Variants in DIAPH2 observed in about 807,000 individuals in gnomAD.
DIAPH2 encodes the protein diaphanous related formin 2.
DIAPH2 carries 35 observed loss-of-function variants against 92.7 expected under a neutral mutation model. The ratio of observed to expected loss-of-function variants is 0.38; its 90% CI spans 0.29 to 0.50. The LOEUF (loss-of-function observed/expected upper bound fraction) is 0.50. Among genes scored for constraint, DIAPH2 ranks in the 20% least tolerant of loss-of-function variants. The pLI is 0.94. For synonymous variants in DIAPH2, 301 were observed against 280.4 expected (o/e 1.07, Z -0.73); for missense variants, 701 against 819.5 (o/e 0.86, Z 1.77).
At chrX:97,277,379 C>T (rs1018649695) in intron 23 of DIAPH2, among the ~76,000 whole-genome samples, 5 of 111,413 alleles carry the variant, frequency 4.5e-5, no homozygotes, top group South Asian at 3.8e-4. Context: ...GACACTGCAA[C>T]GGGGTGCCTT....
intron 22 of DIAPH2, among the ~76,000 whole-genome samples, chrX:97,220,367 GAAA>G (rs763951265): frequency 3.9e-5 from 3 of 76,068 alleles, no homozygotes; most frequent in African/African-American, 1.5e-4. Context: ...ACAAGTTTTA[GAAA>G]AAAAAAAAAA....
chrX:97,171,237 T>C (rs1328093699), intron 22 of DIAPH2, among the ~76,000 whole-genome samples: 2 of 112,389 alleles, frequency 1.8e-5, no homozygotes, highest in African/African-American at 6.5e-5. Context: ...TTTTTAATGG[T>C]AGTGTAGCGT....
chrX:97,228,641 A>G (rs1239480285), intron 22 of DIAPH2, among the ~76,000 whole-genome samples: 1 of 111,703 alleles, frequency 9.0e-6, no homozygotes, highest in Non-Finnish European at 1.9e-5. Context: ...ATTTCTGAAA[A>G]GTAATAGAAC....
chrX:96,814,340 T>C (rs2064712818), intron 4 of DIAPH2, among the ~76,000 whole-genome samples: 1 of 111,894 alleles, frequency 8.9e-6, no homozygotes, highest in Non-Finnish European at 1.9e-5. Flanking sequence ...TGTGCACGCG[T>C]CACGTAGTTC....
At chrX:96,794,656 A>T (rs942899714) in intron 4 of DIAPH2, among the ~76,000 whole-genome samples, 6 of 112,054 alleles carry the variant, frequency 5.4e-5, no homozygotes, top group Non-Finnish European at 1.9e-5. Flanking sequence ...TGATATAACA[A>T]ATCTCATTTA....
At chrX:96,849,778 G>C (rs1458147839) in intron 4 of DIAPH2, among the ~76,000 whole-genome samples, 1 of 111,530 alleles carries the variant, frequency 9.0e-6, no homozygotes, top group Non-Finnish European at 1.9e-5. Context: ...AAAATATTGT[G>C]AAAACTATTT....
intron 23 of DIAPH2, among the ~76,000 whole-genome samples, chrX:97,342,640 G>C (rs1206765205): frequency 2.7e-5 from 3 of 112,010 alleles, no homozygotes; most frequent in Non-Finnish European, 5.6e-5. Flanking sequence ...TCTAGGTGTT[G>C]ATGAGTCAGT....
intron 17 of DIAPH2, among the ~76,000 whole-genome samples, chrX:96,984,606 G>A (rs933899263): frequency 2.7e-5 from 3 of 111,340 alleles, no homozygotes; most frequent in African/African-American, 9.8e-5. Flanking sequence ...AGGGTCCAAT[G>A]TCTCAGGATT....
chrX:97,346,495 T>C (rs1337204682), intron 23 of DIAPH2, among the ~76,000 whole-genome samples: 1 of 110,325 alleles, frequency 9.1e-6, no homozygotes, highest in Non-Finnish European at 1.9e-5. Context: ...GTTTCTCTTC[T>C]CACCCATTGC....
intron 17 of DIAPH2, among the ~76,000 whole-genome samples, chrX:96,980,664 T>C (rs1353250731): frequency 9.0e-6 from 1 of 110,716 alleles, no homozygotes; most frequent in Non-Finnish European, 1.9e-5. Flanking sequence ...TCACCATCTT[T>C]AGTAATTCAT....
At chrX:96,842,003 GA>G (rs894530942) in intron 4 of DIAPH2, among the ~76,000 whole-genome samples, 2 of 111,205 alleles carry the variant, frequency 1.8e-5, no homozygotes, top group African/African-American at 6.5e-5. Context: ...CCAGGAGAAG[GA>G]ATTTCACAAG....
chrX:97,048,341 A>T (rs1346014782), intron 17 of DIAPH2, among the ~76,000 whole-genome samples: 3 of 111,166 alleles, frequency 2.7e-5, no homozygotes. Flanking sequence ...TTTGAGAAAT[A>T]TAAATCTCCT....
chrX:96,899,499 G>A (rs1391301235), intron 5 of DIAPH2, among the ~76,000 whole-genome samples: 1 of 110,977 alleles, frequency 9.0e-6, no homozygotes, highest in Non-Finnish European at 1.9e-5. Context: ...ATTGTGAATG[G>A]GAGTTCACTC....
chrX:97,027,850 G>A, intron 17 of DIAPH2, among the ~76,000 whole-genome samples: 1 of 112,222 alleles, frequency 8.9e-6, no homozygotes, highest in Middle Eastern at 4.2e-3. Flanking sequence ...TGAGGCGCTT[G>A]TAAACATTGA....
chrX:97,165,012 A>C (rs1049613463), intron 22 of DIAPH2, among the ~76,000 whole-genome samples: 9 of 112,601 alleles, frequency 8.0e-5, no homozygotes, highest in African/African-American at 2.9e-4. Context: ...CTCTTTCAAC[A>C]ACTATGGATT....
At chrX:96,887,532 A>G (rs1824919384) in intron 5 of DIAPH2, among the ~76,000 whole-genome samples, 2 of 111,570 alleles carry the variant, frequency 1.8e-5, no homozygotes, top group South Asian at 7.7e-4. Context: ...AAATGTATGT[A>G]TTTATATTGA....
At chrX:97,032,539 A>AAT (rs934688856) in intron 17 of DIAPH2, among the ~76,000 whole-genome samples, 2 of 110,131 alleles carry the variant, frequency 1.8e-5, no homozygotes, top group African/African-American at 6.6e-5. Context: ...TATTAATAAT[A>AAT]ATAGCCATTA....
chrX:96,914,782 G>C (rs956316068), intron 7 of DIAPH2, among the ~76,000 whole-genome samples: 1 of 110,961 alleles, frequency 9.0e-6, no homozygotes, highest in Non-Finnish European at 1.9e-5. Context: ...GATGTTTTTA[G>C]TTAGGCCACG....
chrX:97,567,051 C>T (rs1013676488), intron 26 of DIAPH2, among the ~76,000 whole-genome samples: 2 of 111,639 alleles, frequency 1.8e-5, no homozygotes, highest in African/African-American at 6.5e-5. Context: ...CTCCCCATCA[C>T]ACCCCTAAAA....
Sources: gnomAD v4.1 joint callset for allele counts (sites outside exome capture counted in the v4.1 genomes callset) on GRCh38, gnomAD v4.1.1 for gene constraint, MANE v1.5 for transcripts, NCBI Gene and HGNC (gene_info 2026-07-23, HGNC 2026-07-21) for gene names.